HMGCL: variants seen among roughly 807,000 people sequenced by gnomAD.
The protein encoded by HMGCL is 3-hydroxy-3-methylglutaryl-CoA lyase, also known as hydroxymethylglutaryl-CoA lyase, mitochondrial.
Under a neutral mutation model 37.3 loss-of-function variants are expected in HMGCL, and 26 were observed. That is an observed-to-expected ratio of 0.70 (90% CI 0.51 to 0.97). The LOEUF is 0.97. HMGCL is among the 50% of genes least tolerant of loss of function. HMGCL has a pLI of 0.00. For missense variants in HMGCL, 379 were observed against 398.1 expected (o/e 0.95, Z 0.41); for synonymous variants, 151 against 148.0 (o/e 1.02, Z -0.15).
At chr1:23,819,006 TAAAAAAAAAA>T (rs11371330) in intron 2 of HMGCL, among the ~76,000 whole-genome samples, 15 of 43,144 alleles carry the variant, frequency 3.5e-4, no homozygotes, top group East Asian at 8.7e-4. Flanking sequence ...ATGGACGTGC[TAAAAAAAAAA>T]AAAAAAAAAA....
intron 1 of HMGCL, among the ~76,000 whole-genome samples, chr1:23,821,788 A>G (rs1279972554): frequency 6.6e-6 from 1 of 151,928 alleles, no homozygotes; most frequent in African/African-American, 2.4e-5. Flanking sequence ...CCCAACCTCC[A>G]CCCAACAGGT....
intron 5 of HMGCL, among the ~76,000 whole-genome samples, chr1:23,811,105 T>C (rs542803974): frequency 6.6e-6 from 1 of 151,384 alleles, no homozygotes; most frequent in East Asian, 1.9e-4. Context: ...AGCAGCTGGG[T>C]TGTAAGGTGG....
chr1:23,815,025 G>C (rs1199697619), intron 4 of HMGCL, among the ~76,000 whole-genome samples: 2 of 151,960 alleles, frequency 1.3e-5, no homozygotes, highest in African/African-American at 4.8e-5. Flanking sequence ...GGCTAACACA[G>C]TGAAACCCCA....
intron 5 of HMGCL, 59 bp downstream of exon 5, chr1:23,814,131 G>A: frequency 6.3e-7 from 1 of 1,592,156 alleles, no homozygotes; most frequent in Non-Finnish European, 8.6e-7. Context: ...ACTTGAGTCA[G>A]AGTCTAGCCC....
intron 1 of HMGCL, among the ~76,000 whole-genome samples, chr1:23,824,216 C>CTAT (rs1638775423): frequency 6.6e-6 from 1 of 152,162 alleles, no homozygotes; most frequent in Non-Finnish European, 1.5e-5. Context: ...AGGCCAGGGA[C>CTAT]TATTATTATC....
chr1:23,814,788 G>A (rs1638583847), intron 4 of HMGCL, among the ~76,000 whole-genome samples: 1 of 152,094 alleles, frequency 6.6e-6, no homozygotes, highest in South Asian at 2.1e-4. Context: ...TATGTTGAAG[G>A]ATTAAAACCC....
rs1289249413 is a variant in HMGCL, at chr1:23,802,221, G to T, written c.*242C>A. 3.3e-6 allele frequency: 2 copies of T among 600,700 alleles called. No homozygotes were observed. The highest frequency in any genetic ancestry group is 1.9e-5 in the African/African-American group (1 of 54,008). The allele number at this position is 600,700 out of a possible 1,614,324, so 37.2% of individuals were successfully genotyped here. A position where few individuals can be genotyped will look rare whatever the true frequency, so the allele number is the denominator to read the frequency against. On this transcript the variant is annotated 3_prime_UTR_variant, in exon 9 of 9. Coordinates refer to ENST00000374490, the MANE Select transcript of HMGCL (RefSeq NM_000191.3). ...GCATTCAACTCCTGGGCCAGGGTCC[G>T]TAACAAAGGGAGACTTCAGCCCTCA...
In HMGCL at chr1:23,808,179, C is replaced by T. The variant is rs767713737; in HGVS notation, c.706G>A (p.Asp236Asn). The T allele has an allele frequency of 6.2e-7, 1 of 1,614,120 alleles. No homozygotes were observed. The change falls in exon 7 of 9, where the codon GAC becomes AAC. Residue 236 changes from aspartate to asparagine, a missense_variant. Physicochemically the swap from Asp to Asn is conservative, Grantham distance 23. Transcript: ENST00000374490. Reference sequence around the variant, plus strand: ...TTGGCCAGGGCTTGACCATAGGTGTCATGGCAGTGGACAGCCAGGGCAGCC... The same window carrying T: ...TTGGCCAGGGCTTGACCATAGGTGTTATGGCAGTGGACAGCCAGGGCAGCC... ...PLAALAVHCHDTYGQALANTL... is the reference protein window; with the variant it reads ...PLAALAVHCHNTYGQALANTL...
At chr1:23,813,714 A>G (rs956335053) in intron 5 of HMGCL, 4 of 204,672 alleles carry the variant, frequency 2.0e-5, no homozygotes, top group Admixed American at 1.1e-4. Flanking sequence ...TACACACACA[A>G]TGCCTGGAAC....
At position 23,822,290 on chromosome 1, in the gene HMGCL, G is replaced by C. The variant is rs182472453; in HGVS notation, c.61-1697C>G. On this transcript the variant is annotated intron_variant, in intron 1 of 8. Transcript: ENST00000374490. ...ATAGGCTGGGTGATGACAAGCATGGGTCTAAGGGGAGGTGACACCCCCAGT... is the reference window on the plus strand; with the variant it reads ...ATAGGCTGGGTGATGACAAGCATGGCTCTAAGGGGAGGTGACACCCCCAGT... 5.1e-3 allele frequency among the ~76,000 whole-genome samples: 777 copies of C among 152,248 alleles called. 2 individuals are homozygous for C. Among genetic ancestry groups the C allele is most frequent in the Non-Finnish European group, 8.9e-3 (602 of 68,020 alleles).
At chr1:23,810,905 A>C in intron 5 of HMGCL, 106 bp from the exon 6 acceptor site, 1 of 863,032 alleles carries the variant, frequency 1.2e-6, no homozygotes, top group Middle Eastern at 2.2e-4. Flanking sequence ...TGCAATCAAC[A>C]CCTGCAGCTG....
In HMGCL at chr1:23,813,141, C is replaced by T. The variant is rs186497531; in HGVS notation, c.497+1049G>A. 1.9e-4 allele frequency among the ~76,000 whole-genome samples: 29 copies of T among 150,710 alleles called. No homozygotes were observed. In the East Asian group the frequency reaches 4.3e-3, roughly 23 times the overall value. On this transcript the variant is annotated intron_variant, in intron 5 of 8. Transcript: ENST00000374490. ...CTTACCTCAGGTGATCTGCCCGCCT[C>T]GGCCTCCCAAAGTGCTGGGATTACA...
rs570562944 is a variant in HMGCL, at chr1:23,806,043, C to G, written c.751-1518G>C. ...TGCAAATCACTGCAACCTCCACCTCCCGGGCTCAAGTGATTCTCATGCCTC... is the reference window on the plus strand; with the variant it reads ...TGCAAATCACTGCAACCTCCACCTCGCGGGCTCAAGTGATTCTCATGCCTC... On this transcript the variant is annotated intron_variant, in intron 7 of 8. Transcript: ENST00000374490. The surrounding 1 kb of genome is among the most constrained non-coding windows in gnomAD (Gnocchi z 4.0). Among the ~76,000 whole-genome samples, 2 of 152,272 alleles carry G rather than the reference C, an allele frequency of 1.3e-5. No individual in the cohort carries two copies. Among genetic ancestry groups the G allele is most frequent in the African/African-American group, 4.8e-5 (2 of 41,552 alleles).
chr1:23,802,587 T>C (rs1638303678), intron 8 of HMGCL, 23 bp from the exon 9 acceptor site: 1 of 1,491,126 alleles, frequency 6.7e-7, no homozygotes, highest in Admixed American at 1.7e-5. Flanking sequence ...AGTTAGAGGA[T>C]GCGGTAAGTC....
chr1:23,804,358 GT>G (rs757521734), intron 8 of HMGCL, 41 bp downstream of exon 8: 1 of 1,613,150 alleles, frequency 6.2e-7, no homozygotes, highest in Admixed American at 1.7e-5. Flanking sequence ...AGGCCCCCTG[GT>G]CAGTTCGGGG....
intron 4 of HMGCL, among the ~76,000 whole-genome samples, chr1:23,814,777 A>G (rs1284087467): frequency 6.6e-6 from 1 of 152,172 alleles, no homozygotes; most frequent in East Asian, 1.9e-4. Flanking sequence ...TCCTAAAAAT[A>G]TATGTTGAAG....
intron 6 of HMGCL, chr1:23,809,405 A>T (rs1420313051): frequency 1.3e-5 from 2 of 150,166 alleles, no homozygotes; most frequent in Non-Finnish European, 3.0e-5. Flanking sequence ...CCCCCGGCTA[A>T]TTTTTTGTAT....
rs901070046 is a variant in HMGCL, at chr1:23,808,732, T to TA, written c.562-410dup. Among the ~76,000 whole-genome samples, 4 of 136,502 alleles carry TA rather than the reference T, an allele frequency of 2.9e-5. No individual in the cohort carries two copies. In the Admixed American group the frequency reaches 3.3e-4, roughly 11 times the overall value. 89.6% of individuals were successfully genotyped at this position (136,502 alleles called of 152,430 possible). A position where few individuals can be genotyped will look rare whatever the true frequency, so the allele number is the denominator to read the frequency against. On this transcript the variant is annotated intron_variant, in intron 6 of 8. Transcript: ENST00000374490. Reference sequence around the variant, plus strand: ...AATCATGGGTCTGAGATGCTAGTTATATTTTTTTTCTTTTTTTTTTTTTTT... The same window carrying TA: ...AATCATGGGTCTGAGATGCTAGTTATAATTTTTTTTCTTTTTTTTTTTTTTT...
At chr1:23,803,147 G>A (rs1261583204) in intron 8 of HMGCL, among the ~76,000 whole-genome samples, 1 of 152,026 alleles carries the variant, frequency 6.6e-6, no homozygotes, top group Non-Finnish European at 1.5e-5. Context: ...TGATTCTCCT[G>A]CCTCAGCCTC....
Sources: allele counts gnomAD v4.1 joint callset (sites outside exome capture counted in the v4.1 genomes callset), GRCh38; gene constraint gnomAD v4.1.1; non-coding constraint Gnocchi (gnomAD v3.1); transcripts MANE v1.5; gene names NCBI Gene and HGNC (gene_info 2026-07-23, HGNC 2026-07-21).